Variants in PRDM9 observed in about 807,000 individuals in gnomAD.
PRDM9 encodes PR/SET domain 9.
PRDM9 carries 47 observed loss-of-function variants against 55.6 expected under a neutral mutation model. The observed-to-expected ratio is 0.85, with a 90% CI of 0.67 to 1.08. PRDM9 has a LOEUF of 1.08. Ranked by LOEUF, PRDM9 falls within the 50% of genes least tolerant of loss-of-function variation. PRDM9 has a pLI of 0.00. For missense variants in PRDM9, 867 were observed against 1,040.3 expected (o/e 0.83, Z 2.29); for synonymous variants, 312 against 375.7 (o/e 0.83, Z 1.96).
chr5:23,511,881 G>C (rs1253698829), intron 4 of PRDM9, among the ~76,000 whole-genome samples: 1 of 151,792 alleles, frequency 6.6e-6, no homozygotes, highest in Non-Finnish European at 1.5e-5. Context: ...AAACAATTGT[G>C]ACAGAATGTT....
chr5:23,517,026 G>A (rs1239669637), intron 4 of PRDM9, among the ~76,000 whole-genome samples: 34 of 150,268 alleles, frequency 2.3e-4, no homozygotes, highest in East Asian at 8.1e-4. Flanking sequence ...GGTGGTGGGC[G>A]CCTGTAGTCC....
rs113880250 is a variant in PRDM9 at position 23,521,465 on chromosome 5, G to A, written c.508+286G>A. ...ATGTTTTCTTGCCTCAGTCACCCGAGTAGCTGGGATTATAGGCGTGCGCCA... is the reference window on the plus strand; with the variant it reads ...ATGTTTTCTTGCCTCAGTCACCCGAATAGCTGGGATTATAGGCGTGCGCCA... On this transcript the variant is annotated intron_variant, in intron 6 of 10. Transcript: ENST00000296682. Among the ~76,000 whole-genome samples the A allele has an allele frequency of 1.3e-3, 197 of 152,298 alleles. 1 individual carries two copies. Among genetic ancestry groups the A allele is most frequent in the Non-Finnish European group, 1.9e-3 (127 of 68,030 alleles).
chr5:23,516,439 A>G (rs1356472335), intron 4 of PRDM9, among the ~76,000 whole-genome samples: 1 of 142,760 alleles, frequency 7.0e-6, no homozygotes, highest in Non-Finnish European at 1.5e-5. Context: ...GTGGCGTGAT[A>G]TCGGCTCACT....
chr5:23,513,640 G>T (rs534349930), intron 4 of PRDM9, among the ~76,000 whole-genome samples: 1 of 152,102 alleles, frequency 6.6e-6, no homozygotes, highest in South Asian at 2.1e-4. Flanking sequence ...CTAGCACTTT[G>T]GTAGGCCGAG....
Position 23,526,428 on chromosome 5 carries a change from G to C in PRDM9, c.1340G>C (p.Arg447Pro). 1.9e-6 allele frequency: 3 copies of C among 1,614,176 alleles called. No individual in the cohort carries two copies. In the South Asian group the frequency reaches 3.3e-5, roughly 18 times the overall value. Reference protein sequence around the residue: ...QEQQYPDPHSRNDKTKGQEIK... With the variant: ...QEQQYPDPHSPNDKTKGQEIK... Reference sequence around the variant, plus strand: ...CAGCAATATCCAGATCCACACAGCCGTAATGACAAAACCAAAGGTCAAGAG... The same window carrying C: ...CAGCAATATCCAGATCCACACAGCCCTAATGACAAAACCAAAGGTCAAGAG... Residue 447 changes from arginine (R) to proline (P), a missense_variant, in exon 11 of 11, where the codon CGT (arginine) becomes CCT (proline). By Grantham distance (103) the Arg-to-Pro change is moderately radical. Transcript: ENST00000296682.
intron 4 of PRDM9, among the ~76,000 whole-genome samples, chr5:23,515,780 T>C (rs1739198522): frequency 6.6e-6 from 1 of 152,232 alleles, no homozygotes; most frequent in East Asian, 1.9e-4. Flanking sequence ...CTTTCCTCCA[T>C]TGTGTAGTCT....
chr5:23,527,736 C>A lies in PRDM9; in HGVS notation c.2648C>A (p.Thr883Lys), dbSNP rs1561023656. Residue 883 changes from threonine (T) to lysine (K), a missense_variant, in exon 11 of 11, where the codon ACA becomes AAA. This residue lies in a region of PRDM9 where 86 missense variants were observed against 73.6 expected (regional missense o/e 1.17). Transcript: ENST00000296682. The part of the protein sequence containing the change: ...SSLCYHQRTH[T>K]GEKPYVCRED... ...CTCTGCTATCACCAGAGGACACACA[C>A]AGGGGAGAAGCCCTACGTCTGCAGG... The A allele has an allele frequency of 6.2e-7, 1 of 1,613,642 alleles. No individual in the cohort carries two copies. The highest frequency in any genetic ancestry group is 2.2e-5 in the East Asian group (1 of 44,818).
At position 23,526,728 on chromosome 5, in the gene PRDM9, C is replaced by T. The variant is rs754030751; in HGVS notation, c.1640C>T (p.Thr547Ile). The T allele has an allele frequency of 3.7e-5, 60 of 1,613,360 alleles. No homozygotes were observed. Among genetic ancestry groups the T allele is most frequent in the Middle Eastern group, 1.6e-4 (1 of 6,082 alleles). The change falls in exon 11 of 11, where the codon ACA becomes ATA. Residue 547 changes from threonine (T) to isoleucine (I), a missense_variant. Around this residue, in one of 5 missense-constraint regions of PRDM9, gnomAD observed 662 missense variants for 711.9 expected, o/e 0.93. Coordinates refer to ENST00000296682, the MANE Select transcript of PRDM9 (RefSeq NM_020227.4). Reference protein sequence around the residue: ...SDVITHQRTHTGEKLYVCREC... With the variant: ...SDVITHQRTHIGEKLYVCREC... ...GTTATTACACACCAAAGGACACATA[C>T]AGGGGAGAAGCTCTACGTCTGCAGG...
chr5:23,509,796 G>A lies in PRDM9; in HGVS notation c.194-124G>A. The A allele has an allele frequency of 5.9e-6, 8 of 1,348,344 alleles. No homozygotes were observed. The South Asian group carries it at 9.7e-5, about 16-fold the overall frequency. 83.5% of individuals were successfully genotyped at this position (1,348,344 alleles called of 1,614,324 possible). A position where few individuals can be genotyped will look rare whatever the true frequency, so the allele number is the denominator to read the frequency against. ...CATGCAGAGGTCACATCTTGACCTT[G>A]TTCAAGACTCTCCCAGCTCATCAGA... On this transcript the variant is annotated intron_variant, in intron 3 of 10. Coordinates refer to ENST00000296682, the MANE Select transcript of PRDM9 (RefSeq NM_020227.4).
rs566834246 is a variant in PRDM9, at chr5:23,523,402, C to T, written c.950+44C>T. On this transcript the variant is annotated intron_variant, in intron 9 of 10. Transcript: ENST00000296682. The stretch of plus-strand genomic sequence containing the variant: ...TGAGTTGCAGAGAGAACCTTCATCT[C>T]TCACAAAGCTGGATTTCCTTCCTTA... 6 of 1,560,498 alleles carry T rather than the reference C, an allele frequency of 3.8e-6. No homozygotes were observed. The African/African-American group carries it at 6.8e-5, about 18-fold the overall frequency.
intron 1 of PRDM9, among the ~76,000 whole-genome samples, chr5:23,508,538 G>A (rs578087240): frequency 5.3e-5 from 8 of 152,186 alleles, no homozygotes; most frequent in South Asian, 2.1e-4. Context: ...CTGTCTATGC[G>A]AAATGTTCAT....
rs1739354776 is a variant in PRDM9, at chr5:23,522,668, C to T, written c.665C>T (p.Pro222Leu). The change falls in exon 8 of 11, where the codon CCT (proline) becomes CTT (leucine). Residue 222 changes from proline (P) to leucine (L), a missense_variant. By Grantham distance (98) the Pro-to-Leu change is moderately conservative. Around this residue, in one of 5 missense-constraint regions of PRDM9, gnomAD observed 662 missense variants for 711.9 expected, o/e 0.93. Coordinates refer to ENST00000296682, the MANE Select transcript of PRDM9 (RefSeq NM_020227.4). Reference protein sequence around the residue: ...FIDSCAAHGPPTFVKDSAVDK... With the variant: ...FIDSCAAHGPLTFVKDSAVDK... ...GACAGCTGTGCTGCCCATGGGCCCC[C>T]TACATTTGTAAAGGACAGTGCAGTG... The T allele has an allele frequency of 6.2e-7, 1 of 1,614,054 alleles. No individual in the cohort carries two copies. Among genetic ancestry groups the T allele is most frequent in the Admixed American group, 1.7e-5 (1 of 60,006 alleles).
At chr5:23,507,813 T>C (rs1739014508) in intron 1 of PRDM9, 101 bp downstream of exon 1, 1 of 151,902 alleles carries the variant, frequency 6.6e-6, no homozygotes, top group Admixed American at 6.6e-5. Context: ...AGACCCCAAA[T>C]CCTGCCACCT....
Position 23,522,838 on chromosome 5 carries a change from C to T in PRDM9, c.835C>T (p.Arg279Ter), listed in dbSNP as rs758003588. The change falls in exon 8 of 11, where the codon CGA (arginine) becomes TGA (stop). Residue 279 changes from arginine to a stop codon, truncating the protein, a stop_gained. Coordinates refer to ENST00000296682, the MANE Select transcript of PRDM9 (RefSeq NM_020227.4). LOFTEE classifies it high-confidence loss of function. ...TCTGCACTTTGGCCCTTATGAGGGCCGAATTACAGAAGACGAAGAGGCAGC... is the reference window on the plus strand; with the variant it reads ...TCTGCACTTTGGCCCTTATGAGGGCTGAATTACAGAAGACGAAGAGGCAGC... Reference protein sequence around the residue: ...LGLHFGPYEGRITEDEEAANN... With the variant: ...LGLHFGPYEG 19 of 1,614,080 alleles carry T rather than the reference C, an allele frequency of 1.2e-5. No individual in the cohort carries two copies. In the South Asian group the frequency reaches 1.4e-4, roughly 12 times the overall value.
chr5:23,522,196 A>G, intron 6 of PRDM9, 108 bp from the exon 7 acceptor site: 3 of 946,960 alleles, frequency 3.2e-6, no homozygotes, highest in Non-Finnish European at 5.2e-6. Context: ...ACACTAGAGT[A>G]TGTAGAAAGG....
At chr5:23,524,004 G>A (rs1739383570) in intron 9 of PRDM9, among the ~76,000 whole-genome samples, 1 of 152,176 alleles carries the variant, frequency 6.6e-6, no homozygotes, top group Non-Finnish European at 1.5e-5. Flanking sequence ...GTATAAAACA[G>A]AATTAATTTA....
At chr5:23,524,627 A>G (rs959426289) in intron 10 of PRDM9, 100 bp downstream of exon 10, 2 of 1,539,036 alleles carry the variant, frequency 1.3e-6, no homozygotes, top group Non-Finnish European at 1.8e-6. Flanking sequence ...TGCCATCTAA[A>G]GTCAGTAAGA....
Position 23,527,638 on chromosome 5 carries a change from C to G in PRDM9, c.2550C>G (p.His850Gln), listed in dbSNP as rs371668035. The G allele has an allele frequency of 6.6e-7, 1 of 1,518,020 alleles. No homozygotes were observed. Among genetic ancestry groups the G allele is most frequent in the South Asian group, 1.2e-5 (1 of 83,832 alleles). The allele number at this position is 1,518,020 out of a possible 1,614,324, so 94.0% of individuals were successfully genotyped here. ...GFRNKSHLLR[H>Q]QRTHTGEKPY... ...GCAATAAGTCACACCTCCTCAGACA[C>G]CAGAGGACACACACAGGGGAGAAGC... Residue 850 changes from histidine (H) to glutamine (Q), a missense_variant, in exon 11 of 11, where the codon CAC becomes CAG. His to Gln is a conservative substitution (Grantham distance 24). Around this residue, in one of 5 missense-constraint regions of PRDM9, gnomAD observed 86 missense variants for 73.6 expected, o/e 1.17. Transcript: ENST00000296682.
At chr5:23,517,117 C>A (rs1739227716) in intron 4 of PRDM9, among the ~76,000 whole-genome samples, 1 of 145,206 alleles carries the variant, frequency 6.9e-6, no homozygotes, top group Non-Finnish European at 1.5e-5. Flanking sequence ...TGTACCACTG[C>A]ACTCCAGCCT....
Sources: allele counts gnomAD v4.1 joint callset (sites outside exome capture counted in the v4.1 genomes callset), GRCh38; gene constraint gnomAD v4.1.1; regional missense constraint gnomAD v4.1.1; transcripts MANE v1.5; gene names NCBI Gene and HGNC (gene_info 2026-07-23, HGNC 2026-07-21).